The following URB1 variants were observed in gnomAD, a reference collection of about 807,000 sequenced individuals.
URB1 encodes the protein URB1 ribosome biogenesis factor, also known as nucleolar pre-ribosomal-associated protein 1.
URB1 carries 197 observed loss-of-function variants against 242.3 expected under a neutral mutation model. The ratio of observed to expected loss-of-function variants is 0.81; its 90% CI spans 0.72 to 0.91. The LOEUF is 0.91. Ranked by LOEUF, URB1 falls within the 40% of genes least tolerant of loss-of-function variation. URB1 has a pLI of 0.00. For synonymous variants in URB1, 1,153 were observed against 1,201.8 expected (o/e 0.96, Z 0.84); for missense variants, 2,721 against 2,860.5 (o/e 0.95, Z 1.11).
chr21:32,355,018 T>G (rs375269927), intron 16 of URB1, 21 bp from the exon 17 acceptor site: 19 of 1,540,896 alleles, frequency 1.2e-5, no homozygotes, highest in Middle Eastern at 1.7e-4. Context: ...AAGAGCCAAA[T>G]AGAAAGCATT....
chr21:32,338,371 C>G (rs1002646974), intron 26 of URB1, among the ~76,000 whole-genome samples: 1 of 152,166 alleles, frequency 6.6e-6, no homozygotes, highest in Non-Finnish European at 1.5e-5. Context: ...TAATCAATTT[C>G]TCTCAGGTTA....
In URB1 at chr21:32,393,011, AG is replaced by A; in HGVS notation, c.-102del. ...CACGCGCTTCAGGCCCACATGGCGC[AG>A]GAAGAGGCGGGGCTGGCGGAAGAGG... On this transcript the variant is annotated 5_prime_UTR_variant, in exon 1 of 39. Coordinates refer to ENST00000382751, the MANE Select transcript of URB1 (RefSeq NM_014825.3). The A allele has an allele frequency of 7.5e-7, 1 of 1,329,572 alleles. No homozygotes were observed. Among genetic ancestry groups the A allele is most frequent in the Non-Finnish European group, 9.8e-7 (1 of 1,015,996 alleles). 82.4% of individuals were successfully genotyped at this position (1,329,572 alleles called of 1,614,324 possible).
intron 34 of URB1, among the ~76,000 whole-genome samples, chr21:32,321,588 T>C (rs2032766651): frequency 6.6e-6 from 1 of 151,774 alleles, no homozygotes; most frequent in African/African-American, 2.4e-5. Flanking sequence ...ACACTGGGGG[T>C]CACAACACTG....
intron 30 of URB1, 147 bp from the exon 31 acceptor site, chr21:32,325,536 A>C: frequency 9.2e-7 from 1 of 1,082,122 alleles, no homozygotes; most frequent in Non-Finnish European, 1.3e-6. Context: ...ACTCCTCCTA[A>C]CTTCTGCTGA....
intron 4 of URB1, among the ~76,000 whole-genome samples, chr21:32,381,103 G>A (rs369197410): frequency 5.1e-4 from 77 of 152,336 alleles, no homozygotes; most frequent in African/African-American, 1.7e-3. Flanking sequence ...CTCTGCCACT[G>A]TCGTGGCCCC....
intron 35 of URB1, 94 bp downstream of exon 35, chr21:32,320,437 A>C: frequency 1.0e-6 from 1 of 957,920 alleles, no homozygotes; most frequent in Non-Finnish European, 1.6e-6. Flanking sequence ...TTTACTGGAC[A>C]TTTCCAACCA....
intron 25 of URB1, among the ~76,000 whole-genome samples, chr21:32,339,379 C>G (rs567080256): frequency 2.6e-5 from 4 of 152,148 alleles, no homozygotes; most frequent in African/African-American, 9.7e-5. Flanking sequence ...ACCATCCAGG[C>G]TCTACCACTG....
In URB1 at chr21:32,378,436, T is replaced by A; in HGVS notation, c.664+9A>T. The A allele has an allele frequency of 6.5e-7, 1 of 1,548,160 alleles. No homozygotes were observed. The highest frequency in any genetic ancestry group is 8.7e-7 in the Non-Finnish European group (1 of 1,143,898). On this transcript the variant is annotated intron_variant, in intron 5 of 38. Coordinates refer to ENST00000382751, the MANE Select transcript of URB1 (RefSeq NM_014825.3). ...TGGGCTTTCCTAACGGACAAGGGAG[T>A]ACACCTACCTTTCACTTCCAACACC...
intron 4 of URB1, among the ~76,000 whole-genome samples, chr21:32,380,790 T>C (rs2033514340): frequency 6.6e-6 from 1 of 152,236 alleles, no homozygotes; most frequent in African/African-American, 2.4e-5. Flanking sequence ...TTTTCCCTGC[T>C]AGTGGAAAGT....
chr21:32,313,802 T>C lies in URB1; in HGVS notation c.*1116A>G, dbSNP rs1210990043. 1 of 152,226 alleles carries C rather than the reference T, an allele frequency of 6.6e-6. No homozygotes were observed. Among genetic ancestry groups the C allele is most frequent in the African/African-American group, 2.4e-5 (1 of 41,448 alleles). The allele number at this position is 152,226 out of a possible 1,614,324, so 9.4% of individuals were successfully genotyped here. On this transcript the variant is annotated 3_prime_UTR_variant, in exon 39 of 39. Transcript: ENST00000382751. Reference sequence around the variant, plus strand: ...TAAAGGAACAGACGGAAATTTTAACTGTGAAAACCACGAAATTTCATGACT... The same window carrying C: ...TAAAGGAACAGACGGAAATTTTAACCGTGAAAACCACGAAATTTCATGACT...
intron 10 of URB1, among the ~76,000 whole-genome samples, chr21:32,364,068 A>G (rs1312716572): frequency 6.6e-6 from 1 of 151,954 alleles, no homozygotes; most frequent in Non-Finnish European, 1.5e-5. Flanking sequence ...TGCATCAGGT[A>G]CTTTAGTATG....
chr21:32,314,183 CTT>C lies in URB1; in HGVS notation c.*733_*734del, dbSNP rs1289622226. On this transcript the variant is annotated 3_prime_UTR_variant, in exon 39 of 39. Transcript: ENST00000382751. ...TTATGACTTTTTATAGAAAAACAAA[CTT>C]TATTTTTTTATTTTTTTGAGATGGA... 1.5e-5 allele frequency: 3 copies of C among 193,844 alleles called. No individual in the cohort carries two copies. The highest frequency in any genetic ancestry group is 5.4e-5 in the Admixed American group (1 of 18,482). The allele number at this position is 193,844 out of a possible 1,614,324, so 12.0% of individuals were successfully genotyped here.
In URB1 at chr21:32,347,542, C is replaced by A. The variant is rs377170267; in HGVS notation, c.3282G>T (p.Pro1094=). The part of the protein sequence containing the change: ...LKELQNRRAG[P]ATSPPKTPPQ... ...GCGGGGTCTTTGGTGGTGATGTGGC[C>A]GGGCCCGCCCTCCTGTTCTGAAGTT... The change falls in exon 22 of 39, where the codon CCG becomes CCT. Residue 1094 remains proline (P), a synonymous_variant. Coordinates refer to ENST00000382751, the MANE Select transcript of URB1 (RefSeq NM_014825.3). 2.6e-6 allele frequency: 4 copies of A among 1,551,222 alleles called. No homozygotes were observed. In the South Asian group the frequency reaches 4.8e-5, roughly 18 times the overall value.
In URB1 at chr21:32,365,101, C is replaced by T. The variant is rs139497595; in HGVS notation, c.1335+1517G>A. Among the ~76,000 whole-genome samples the T allele has an allele frequency of 8.1e-4, 124 of 152,288 alleles. 1 individual carries two copies. Among genetic ancestry groups the T allele is most frequent in the Admixed American group, 3.5e-3 (53 of 15,292 alleles). ...GGAGGAGGAGACAGGCTTTTCTCTC[C>T]CAGACTACTAGGAGCAAGCTTGGAA... On this transcript the variant is annotated intron_variant, in intron 10 of 38. Transcript: ENST00000382751.
At position 32,312,237 on chromosome 21, in the gene URB1, A is replaced by T. The variant is rs954295290; in HGVS notation, c.*2681T>A. The T allele has an allele frequency of 4.2e-6, 6 of 1,432,610 alleles. No individual in the cohort carries two copies. The African/African-American group carries it at 7.2e-5, about 17-fold the overall frequency. The allele number at this position is 1,432,610 out of a possible 1,614,324, so 88.7% of individuals were successfully genotyped here. On this transcript the variant is annotated 3_prime_UTR_variant, in exon 39 of 39. Transcript: ENST00000382751. ...CACCTAGCCTGCTTGCTTACTGCTT[A>T]TATTTGCTCAGGGAAGAGTAGGAAA...
chr21:32,324,755 A>G (rs2032809355), intron 31 of URB1, among the ~76,000 whole-genome samples, 153 bp from the exon 32 acceptor site: 2 of 152,200 alleles, frequency 1.3e-5, no homozygotes, highest in South Asian at 2.1e-4. Context: ...GAGCAGACAC[A>G]CTACTTGCCA....
intron 30 of URB1, among the ~76,000 whole-genome samples, chr21:32,327,059 A>G (rs1052518126): frequency 6.6e-6 from 1 of 152,186 alleles, no homozygotes; most frequent in Admixed American, 6.5e-5. Flanking sequence ...ACTTTTTGAA[A>G]TCTGACCAAA....
intron 12 of URB1, 62 bp from the exon 13 acceptor site, chr21:32,361,185 A>AAGAAAGAAAGAAAGAAAGAAAGAG: frequency 1.2e-6 from 1 of 848,024 alleles, no homozygotes; most frequent in Admixed American, 3.0e-5. Context: ...GAAAGAAAGA[A>AAGAAAGAAAGAAAGAAAGAAAGAG]AGAAAGAAAG....
In URB1 at chr21:32,314,747, G is replaced by A; in HGVS notation, c.*171C>T. The A allele has an allele frequency of 6.9e-7, 1 of 1,453,566 alleles. No homozygotes were observed. Among genetic ancestry groups the A allele is most frequent in the Admixed American group, 1.9e-5 (1 of 53,358 alleles). The allele number at this position is 1,453,566 out of a possible 1,614,324, so 90.0% of individuals were successfully genotyped here. A position where few individuals can be genotyped will look rare whatever the true frequency, so the allele number is the denominator to read the frequency against. On this transcript the variant is annotated 3_prime_UTR_variant, in exon 39 of 39. Transcript: ENST00000382751. ...ACAGGCCCGAGTTTATCATTTACTGGGCAGTTCAATAAAGTCCTCTCAACT... is the reference window on the plus strand; with the variant it reads ...ACAGGCCCGAGTTTATCATTTACTGAGCAGTTCAATAAAGTCCTCTCAACT...
Sources: gnomAD v4.1 joint callset for allele counts (sites outside exome capture counted in the v4.1 genomes callset) on GRCh38, gnomAD v4.1.1 for gene constraint, MANE v1.5 for transcripts, NCBI Gene and HGNC (gene_info 2026-07-23, HGNC 2026-07-21) for gene names.